NINJ2: variants seen among roughly 807,000 people sequenced by gnomAD.
NINJ2 encodes the protein ninjurin-2.
Under a neutral mutation model 11.7 loss-of-function variants are expected in NINJ2, and 12 were observed. That is an observed-to-expected ratio of 1.02 (90% CI 0.66 to 1.66). The LOEUF is 1.66. Ranked by LOEUF, NINJ2 falls within the 40% of genes most tolerant of loss-of-function variation. The pLI, the probability that NINJ2 is intolerant of heterozygous loss-of-function variation, is 0.00. For synonymous variants in NINJ2, 93 were observed against 76.8 expected (o/e 1.21, Z -1.10); for missense variants, 187 against 181.8 (o/e 1.03, Z -0.16).
At chr12:577,425 A>ATACATATATATATG (rs1555161802) in intron 1 of NINJ2, among the ~76,000 whole-genome samples, 56 of 121,668 alleles carry the variant, frequency 4.6e-4, no homozygotes, top group Middle Eastern at 4.6e-3. Context: ...TCATATATAT[A>ATACATATATATATG]TATACATATA....
In NINJ2 at chr12:580,806, G is replaced by C. The variant is rs1947538841; in HGVS notation, c.34-14628C>G. Among the ~76,000 whole-genome samples, 1 of 151,884 alleles carries C rather than the reference G, an allele frequency of 6.6e-6. No homozygotes were observed. The highest frequency in any genetic ancestry group is 1.5e-5 in the Non-Finnish European group (1 of 67,964). On this transcript the variant is annotated intron_variant, in intron 1 of 3. Transcript: ENST00000305108. The surrounding 1 kb of genome is among the most constrained non-coding windows in gnomAD (Gnocchi z 4.7). ...CACAATGTGTTTTCTGTGTGTGTGTGTCTGTGTGTATGCGTGTGTGTCTGT... is the reference window on the plus strand; with the variant it reads ...CACAATGTGTTTTCTGTGTGTGTGTCTCTGTGTGTATGCGTGTGTGTCTGT...
At chr12:661,270 T>C (rs971832134) in intron 1 of NINJ2, among the ~76,000 whole-genome samples, 1 of 152,134 alleles carries the variant, frequency 6.6e-6, no homozygotes, top group Non-Finnish European at 1.5e-5. Context: ...TTAATAGAGA[T>C]AGGGTCTTGC....
chr12:578,667 G>T (rs1947505285), intron 1 of NINJ2, among the ~76,000 whole-genome samples: 1 of 152,124 alleles, frequency 6.6e-6, no homozygotes, highest in South Asian at 2.1e-4. Context: ...ACCCAGCCAG[G>T]CTCTGGATTC....
At chr12:566,592 C>T (rs1325733134) in intron 1 of NINJ2, among the ~76,000 whole-genome samples, 1 of 152,120 alleles carries the variant, frequency 6.6e-6, no homozygotes, top group Non-Finnish European at 1.5e-5. Flanking sequence ...AGCTTGGAGG[C>T]TTGGGTGAAA....
rs542117640 is a variant in NINJ2 at position 628,368 on chromosome 12, C to T, written c.33+34960G>A. ...TACATAGGAAGGAGCCAGGTCTTTC[C>T]GTTCTTCTGCGTCTCCTCACAGCGT... On this transcript the variant is annotated intron_variant, in intron 1 of 3. Coordinates refer to ENST00000305108, the MANE Select transcript of NINJ2 (RefSeq NM_016533.6). This position sits in a 1 kb window ranked among gnomAD's most constrained non-coding sequence, Gnocchi z 4.4. 1.1e-3 allele frequency among the ~76,000 whole-genome samples: 175 copies of T among 152,206 alleles called. 2 individuals are homozygous for T. The Middle Eastern group carries it at 0.041, about 35-fold the overall frequency.
At chr12:587,962 G>A (rs2120861798) in intron 1 of NINJ2, among the ~76,000 whole-genome samples, 1 of 152,262 alleles carries the variant, frequency 6.6e-6, no homozygotes. Context: ...CTGATAACTA[G>A]TAGTTGTTTT....
chr12:597,909 G>T (rs373814854), intron 1 of NINJ2, among the ~76,000 whole-genome samples: 4 of 152,266 alleles, frequency 2.6e-5, no homozygotes, highest in African/African-American at 4.8e-5. Context: ...CCTTTGCCTT[G>T]TTGAAGCCCT....
intron 1 of NINJ2, among the ~76,000 whole-genome samples, chr12:629,181 C>G (rs559044523): frequency 6.6e-6 from 1 of 152,314 alleles, no homozygotes; most frequent in South Asian, 2.1e-4. Context: ...CAATGATACC[C>G]TCTTATTGTG....
At chr12:643,533 T>C (rs1231170377) in intron 1 of NINJ2, 5 of 987,888 alleles carry the variant, frequency 5.1e-6, no homozygotes, top group Non-Finnish European at 6.0e-6. Context: ...CACTTAATCC[T>C]CCCAAGACCT....
rs534045167 is a variant in NINJ2 at position 619,139 on chromosome 12, G to A, written c.33+44189C>T. Among the ~76,000 whole-genome samples, 19 of 152,278 alleles carry A rather than the reference G, an allele frequency of 1.2e-4. No individual in the cohort carries two copies. In the South Asian group the frequency reaches 1.9e-3, roughly 15 times the overall value. ...CTAGAAGGAATGGTCCAGGAGGGGG[G>A]CAGTTTATTGTCAGGACCATTGGAT... On this transcript the variant is annotated intron_variant, in intron 1 of 3. Coordinates refer to ENST00000305108, the MANE Select transcript of NINJ2 (RefSeq NM_016533.6).
chr12:599,877 C>T (rs1014190234), intron 1 of NINJ2, among the ~76,000 whole-genome samples: 6 of 152,128 alleles, frequency 3.9e-5, no homozygotes, highest in African/African-American at 1.4e-4. Flanking sequence ...TCCCATTGCC[C>T]GTCTCGGGCA....
rs1937985916 is a variant in NINJ2 at position 663,385 on chromosome 12, A to G, written c.-25T>C. ...TCTCGCTGCCCTCAAGTCCCTTCAC[A>G]CGCACCGGGTGCCGGGAACAGACTG... On this transcript the variant is annotated 5_prime_UTR_variant, in exon 1 of 4. Transcript: ENST00000305108. 1 of 1,614,118 alleles carries G rather than the reference A, an allele frequency of 6.2e-7. No individual in the cohort carries two copies. The highest frequency in any genetic ancestry group is 1.1e-5 in the South Asian group (1 of 91,074).
intron 1 of NINJ2, among the ~76,000 whole-genome samples, chr12:582,197 G>T (rs530644273): frequency 3.9e-5 from 6 of 152,274 alleles, no homozygotes; most frequent in Non-Finnish European, 8.8e-5. Context: ...TTCCTCCAGT[G>T]CCTAACACAG....
At chr12:592,455 C>G (rs537042402) in intron 1 of NINJ2, among the ~76,000 whole-genome samples, 2 of 152,328 alleles carry the variant, frequency 1.3e-5, no homozygotes, top group East Asian at 3.9e-4. Flanking sequence ...AATCCCAGCA[C>G]TTTGGGAAGT....
chr12:595,173 G>A (rs938298245), intron 1 of NINJ2, among the ~76,000 whole-genome samples: 6 of 151,912 alleles, frequency 3.9e-5, no homozygotes, highest in Non-Finnish European at 5.9e-5. Flanking sequence ...AGACCTACAC[G>A]CTTCGCAAAA....
chr12:609,688 G>T (rs1948000507), intron 1 of NINJ2, among the ~76,000 whole-genome samples: 1 of 151,228 alleles, frequency 6.6e-6, no homozygotes, highest in African/African-American at 2.4e-5. Context: ...GGAGAATGGC[G>T]TGAACCCGGG....
At chr12:587,347 G>A (rs879581662) in intron 1 of NINJ2, among the ~76,000 whole-genome samples, 6 of 152,242 alleles carry the variant, frequency 3.9e-5, no homozygotes, top group African/African-American at 9.6e-5. Flanking sequence ...CCCCCATGGC[G>A]GGAGCAACTC....
intron 1 of NINJ2, among the ~76,000 whole-genome samples, chr12:600,671 TG>T (rs2120903915): frequency 1.3e-5 from 2 of 149,478 alleles, no homozygotes; most frequent in Admixed American, 1.3e-4. Context: ...TGTGTGTGTG[TG>T]TGTGTGTGTG....
At chr12:567,908 T>C (rs1947323838) in intron 1 of NINJ2, among the ~76,000 whole-genome samples, 1 of 152,188 alleles carries the variant, frequency 6.6e-6, no homozygotes, top group South Asian at 2.1e-4. Context: ...CTCAGGAGGC[T>C]GAGGCAGGAG....
Sources: gnomAD v4.1 joint callset for allele counts (sites outside exome capture counted in the v4.1 genomes callset) on GRCh38, gnomAD v4.1.1 for gene constraint, Gnocchi (gnomAD v3.1) non-coding constraint, MANE v1.5 for transcripts, NCBI Gene and HGNC (gene_info 2026-07-23, HGNC 2026-07-21) for gene names.